SHROOM2: variants seen among roughly 807,000 people sequenced by gnomAD.
The protein encoded by SHROOM2 is protein Shroom2.
In SHROOM2, 33 loss-of-function variants were observed where a neutral mutation model predicts 75.9. That is an observed-to-expected ratio of 0.43 (90% CI 0.33 to 0.58). The LOEUF (loss-of-function observed/expected upper bound fraction) is 0.58. SHROOM2 is among the 20% of genes least tolerant of loss of function. SHROOM2 has a pLI of 0.04. For synonymous variants in SHROOM2, 655 were observed against 663.6 expected, an observed-to-expected ratio of 0.99 and a Z score of 0.20; for missense variants, 1,434 against 1,461.2, an observed-to-expected ratio of 0.98 and a Z score of 0.30.
intron 1 of SHROOM2, among the ~76,000 whole-genome samples, chrX:9,853,513 G>A (rs1292710204): frequency 8.9e-6 from 1 of 111,897 alleles, no homozygotes; most frequent in African/African-American, 3.2e-5. Flanking sequence ...AGCCTTCCTT[G>A]TTTTTCCTGC....
At chrX:9,794,858 T>C (rs1356068106) in intron 1 of SHROOM2, among the ~76,000 whole-genome samples, 4 of 111,676 alleles carry the variant, frequency 3.6e-5, no homozygotes, top group Non-Finnish European at 1.9e-5. Context: ...TGATGAAATA[T>C]CTCTTAATAT....
intron 2 of SHROOM2, among the ~76,000 whole-genome samples, chrX:9,877,947 C>G (rs749087070): frequency 9.0e-6 from 1 of 111,355 alleles, no homozygotes; most frequent in Admixed American, 9.5e-5. Flanking sequence ...TGGCTGTTGC[C>G]TGTTGCTGTC....
At chrX:9,893,189 A>C (rs1283222000) in intron 3 of SHROOM2, among the ~76,000 whole-genome samples, 2 of 111,209 alleles carry the variant, frequency 1.8e-5, no homozygotes, top group African/African-American at 6.6e-5. Flanking sequence ...TGCAGCCTCA[A>C]CCTCCCAGGC....
intron 5 of SHROOM2, among the ~76,000 whole-genome samples, chrX:9,916,852 A>G (rs890202461): frequency 1.8e-5 from 2 of 111,719 alleles, no homozygotes; most frequent in Non-Finnish European, 3.8e-5. Context: ...TGCCTTCCAG[A>G]TGTTAGTGGG....
At chrX:9,827,445 C>T (rs917136321) in intron 1 of SHROOM2, among the ~76,000 whole-genome samples, 2 of 107,672 alleles carry the variant, frequency 1.9e-5, no homozygotes, top group Non-Finnish European at 3.8e-5. Context: ...CTGCAAAGCT[C>T]ATGGTGAACA....
chrX:9,852,376 G>A (rs1409458555), intron 1 of SHROOM2, among the ~76,000 whole-genome samples: 1 of 112,666 alleles, frequency 8.9e-6, no homozygotes, highest in African/African-American at 3.2e-5. Flanking sequence ...CCACCTGCAG[G>A]CGTTTTCCAG....
In SHROOM2 at chrX:9,894,873, G is replaced by A. The variant is rs760130171; in HGVS notation, c.965G>A (p.Arg322His). The part of the protein sequence containing the change: ...SSPPPPPPPL[R>H]SDSFAATKSH... ...CCACCTCCTCCCCCTCCCCCTCTCCGCAGTGACAGCTTTGCTGCCACCAAG... is the reference window on the plus strand; with the variant it reads ...CCACCTCCTCCCCCTCCCCCTCTCCACAGTGACAGCTTTGCTGCCACCAAG... The change falls in exon 4 of 10, where the codon CGC (arginine) becomes CAC (histidine). Residue 322 changes from arginine (R) to histidine (H), a missense_variant. Around this residue, in one of 3 missense-constraint regions of SHROOM2, gnomAD observed 1,340 missense variants for 1,338.3 expected, o/e 1.00. Transcript: ENST00000380913. 8.3e-6 allele frequency: 10 copies of A among 1,207,295 alleles called. No homozygotes were observed. Among genetic ancestry groups the A allele is most frequent in the Middle Eastern group, 2.3e-4 (1 of 4,359 alleles).
Position 9,898,219 on chromosome X carries a change from A to AG in SHROOM2, c.2824dup (p.Asp942GlyfsTer53). 1 of 1,188,569 alleles carries AG rather than the reference A, an allele frequency of 8.4e-7. No individual in the cohort carries two copies. The highest frequency in any genetic ancestry group is 1.1e-6 in the Non-Finnish European group (1 of 883,898). On this transcript the variant is annotated frameshift_variant, in exon 5 of 10. Transcript: ENST00000380913. LOFTEE classifies it high-confidence loss of function. ...CTTCTGTCGAACTGCGAAGGCAGGC[A>AG]GGGGACCCCGGCGAGCCCAGAGAAG... is the stretch of plus-strand genomic sequence containing the variant.
intron 6 of SHROOM2, among the ~76,000 whole-genome samples, chrX:9,936,775 T>C (rs2084712416): frequency 8.9e-6 from 1 of 112,415 alleles, no homozygotes; most frequent in African/African-American, 3.2e-5. Flanking sequence ...AAAGAACATT[T>C]AACCCAACAG....
At chrX:9,794,487 A>G (rs1296072580) in intron 1 of SHROOM2, among the ~76,000 whole-genome samples, 6 of 111,147 alleles carry the variant, frequency 5.4e-5, no homozygotes, top group African/African-American at 2.0e-4. Context: ...CTTCTGCCTC[A>G]GCCTCCTGAG....
At chrX:9,857,030 A>G (rs897865011) in intron 1 of SHROOM2, among the ~76,000 whole-genome samples, 1 of 112,066 alleles carries the variant, frequency 8.9e-6, no homozygotes, top group African/African-American at 3.2e-5. Context: ...AGAGAGGAGG[A>G]CGTCAGTTCC....
At chrX:9,822,194 A>G (rs1044996791) in intron 1 of SHROOM2, among the ~76,000 whole-genome samples, 1 of 111,097 alleles carries the variant, frequency 9.0e-6, no homozygotes, top group Non-Finnish European at 1.9e-5. Flanking sequence ...CTCACCTCTG[A>G]GTGGGTGAAC....
chrX:9,799,768 G>A (rs2083714391), intron 1 of SHROOM2, among the ~76,000 whole-genome samples: 1 of 109,914 alleles, frequency 9.1e-6, no homozygotes. Context: ...TGTAAACATG[G>A]TGATATATGG....
chrX:9,885,766 G>A (rs1049638281), intron 2 of SHROOM2, among the ~76,000 whole-genome samples: 15 of 110,118 alleles, frequency 1.4e-4, no homozygotes, highest in Non-Finnish European at 2.8e-4. Context: ...ACCAGCCTGG[G>A]CAACATAACG....
chrX:9,812,386 T>C (rs1175810477), intron 1 of SHROOM2, among the ~76,000 whole-genome samples: 1 of 111,559 alleles, frequency 9.0e-6, no homozygotes, highest in Non-Finnish European at 1.9e-5. Flanking sequence ...GATAAATGGG[T>C]TGGAGTAACA....
chrX:9,792,521 C>A (rs903083252), intron 1 of SHROOM2, among the ~76,000 whole-genome samples: 2 of 104,695 alleles, frequency 1.9e-5, no homozygotes, highest in East Asian at 6.0e-4. Flanking sequence ...GCAATGAGGG[C>A]TGCTTCTTTT....
chrX:9,804,315 G>T (rs745329658), intron 1 of SHROOM2, among the ~76,000 whole-genome samples: 26 of 111,842 alleles, frequency 2.3e-4, no homozygotes, highest in African/African-American at 7.1e-4. Context: ...ATGGGCCGGG[G>T]CCCAGAGACA....
intron 2 of SHROOM2, among the ~76,000 whole-genome samples, chrX:9,883,309 C>T (rs994482541): frequency 1.8e-5 from 2 of 111,720 alleles, no homozygotes; most frequent in South Asian, 3.7e-4. Flanking sequence ...CAGATATAAA[C>T]GTCTGCCAGC....
chrX:9,934,088 G>T (rs947000933), intron 6 of SHROOM2, among the ~76,000 whole-genome samples: 8 of 111,770 alleles, frequency 7.2e-5, no homozygotes, highest in African/African-American at 2.3e-4. Context: ...GCAGATGCCA[G>T]CTGCTCTTAG....
Sources: allele counts gnomAD v4.1 joint callset (sites outside exome capture counted in the v4.1 genomes callset), GRCh38; gene constraint gnomAD v4.1.1; regional missense constraint gnomAD v4.1.1; transcripts MANE v1.5; gene names NCBI Gene and HGNC (gene_info 2026-07-23, HGNC 2026-07-21).